Variants in RNF138 observed in about 807,000 individuals in gnomAD.
RNF138 encodes E3 ubiquitin-protein ligase RNF138.
In RNF138, 12 loss-of-function variants were observed where a neutral mutation model predicts 31.0. That is an observed-to-expected ratio of 0.39 (90% confidence interval 0.25 to 0.63). The LOEUF is 0.63. Among genes scored for constraint, RNF138 ranks in the 20% least tolerant of loss-of-function variants. The pLI, the probability that RNF138 is intolerant of heterozygous loss-of-function variation, is 0.52. For synonymous variants in RNF138, 105 were observed against 99.5 expected, an observed-to-expected ratio of 1.06 and a Z score of -0.33; for missense variants, 192 against 300.1, an observed-to-expected ratio of 0.64 and a Z score of 2.66.
At chr18:32,103,959 C>T (rs953176080) in intron 2 of RNF138, among the ~76,000 whole-genome samples, 2 of 150,246 alleles carry the variant, frequency 1.3e-5, no homozygotes, top group Admixed American at 6.6e-5. Context: ...AGCAAGACTC[C>T]GTCTCAGAAA....
At position 32,131,533 on chromosome 18, in the gene RNF138, A is replaced by C. The variant is rs1380262008; in HGVS notation, c.*2346A>C. The C allele has an allele frequency of 1.3e-5, 2 of 152,134 alleles. No individual in the cohort carries two copies. The highest frequency in any genetic ancestry group is 2.9e-5 in the Non-Finnish European group (2 of 67,988). 9.4% of individuals were successfully genotyped at this position (152,134 alleles called of 1,614,324 possible). A position where few individuals can be genotyped will look rare whatever the true frequency, so the allele number is the denominator to read the frequency against. On this transcript the variant is annotated 3_prime_UTR_variant, in exon 8 of 8. Coordinates refer to ENST00000261593, the MANE Select transcript of RNF138 (RefSeq NM_016271.5). ...AGTCTTATTTGAGATGTATTGCTTT[A>C]TTTTTCAATTAAAAGTGGTTTTCTC...
chr18:32,116,080 C>T (rs575183591), intron 4 of RNF138, among the ~76,000 whole-genome samples: 1 of 152,246 alleles, frequency 6.6e-6, no homozygotes, highest in East Asian at 1.9e-4. Flanking sequence ...GATAGGTCCT[C>T]ATTGAGTTGA....
chr18:32,119,531 C>G (rs1217195008), intron 4 of RNF138, among the ~76,000 whole-genome samples: 3 of 152,196 alleles, frequency 2.0e-5, no homozygotes, highest in Non-Finnish European at 4.4e-5. Flanking sequence ...TCAAGTGATT[C>G]TTCTGCCTCA....
intron 2 of RNF138, among the ~76,000 whole-genome samples, chr18:32,103,943 C>A (rs1220134866): frequency 6.7e-6 from 1 of 149,402 alleles, no homozygotes; most frequent in African/African-American, 2.5e-5. Flanking sequence ...CCAGCCTGGG[C>A]GACAGAGCAA....
At chr18:32,111,501 C>A (rs1343667484) in intron 2 of RNF138, among the ~76,000 whole-genome samples, 1 of 151,924 alleles carries the variant, frequency 6.6e-6, no homozygotes, top group African/African-American at 2.4e-5. Context: ...AATATTTATT[C>A]ATCATATATT....
intron 2 of RNF138, among the ~76,000 whole-genome samples, chr18:32,107,021 A>G (rs1289227197): frequency 6.6e-6 from 1 of 151,560 alleles, no homozygotes; most frequent in Non-Finnish European, 1.5e-5. Flanking sequence ...TTCTTTGAAA[A>G]TAATTTTCTC....
chr18:32,107,069 G>T (rs565812417), intron 2 of RNF138, among the ~76,000 whole-genome samples: 107 of 150,434 alleles, frequency 7.1e-4, no homozygotes, highest in African/African-American at 2.4e-3. Context: ...CTGGATTAGG[G>T]CTCTTGTGTG....
intron 4 of RNF138, among the ~76,000 whole-genome samples, chr18:32,121,974 TTCTCA>T (rs1203925433): frequency 6.6e-6 from 1 of 152,134 alleles, no homozygotes; most frequent in Admixed American, 6.5e-5. Flanking sequence ...TTTCAAGCGA[TTCTCA>T]TGCCTCAGCC....
intron 2 of RNF138, among the ~76,000 whole-genome samples, chr18:32,098,869 A>AT (rs1568224915): frequency 6.6e-6 from 1 of 151,394 alleles, no homozygotes; most frequent in Non-Finnish European, 1.5e-5. Context: ...AAAAAAAAAA[A>AT]GATTTACTTA....
Position 32,129,175 on chromosome 18 carries a change from A to T in RNF138, c.726A>T (p.Gln242His). 6.2e-7 allele frequency: 1 copy of T among 1,611,596 alleles called. No individual in the cohort carries two copies. Among genetic ancestry groups the T allele is most frequent in the Non-Finnish European group, 8.5e-7 (1 of 1,178,218 alleles). ...AAACTGCTGTTGAAGAATCTTTTCA[A>T]GTAAACATCTGAAGGCTGTAGACAT... is the stretch of plus-strand genomic sequence containing the variant. ...QYQTAVEESF[Q>H]VNI Residue 242 changes from glutamine to histidine, a missense_variant, in exon 8 of 8, where the codon CAA (glutamine) becomes CAT (histidine). By Grantham distance (24) the Gln-to-His change is conservative. This residue lies in a region of RNF138 where 140 missense variants were observed against 251.7 expected (regional missense o/e 0.56). Coordinates refer to ENST00000261593, the MANE Select transcript of RNF138 (RefSeq NM_016271.5).
At chr18:32,104,647 TAGA>T (rs1260142124) in intron 2 of RNF138, among the ~76,000 whole-genome samples, 31 of 152,270 alleles carry the variant, frequency 2.0e-4, no homozygotes, top group South Asian at 1.0e-3. Flanking sequence ...AAAAAATTAA[TAGA>T]AGAAAAACGT....
intron 2 of RNF138, among the ~76,000 whole-genome samples, chr18:32,103,747 A>ACGT (rs920432026): frequency 1.9e-4 from 29 of 152,008 alleles, no homozygotes; most frequent in African/African-American, 5.3e-4. Context: ...GTGGATCACG[A>ACGT]GGTCAGGAGA....
In RNF138 at chr18:32,112,025, AG is replaced by A. The variant is rs537148984; in HGVS notation, c.276+108del. ...TTTTTTTTTTTTTTGAAAAGATGAA[AG>A]GTATTTAGACTGGGAATTGGATAGA... On this transcript the variant is annotated intron_variant, in intron 3 of 7. Transcript: ENST00000261593. 2.4e-3 allele frequency: 2,482 copies of A among 1,019,936 alleles called. 31 individuals carry two copies. Among genetic ancestry groups the A allele is most frequent in the Middle Eastern group, 0.022 (78 of 3,526 alleles). The allele number at this position is 1,019,936 out of a possible 1,614,324, so 63.2% of individuals were successfully genotyped here.
chr18:32,092,542 G>A, intron 1 of RNF138, 158 bp from the exon 2 acceptor site: 1 of 518,970 alleles, frequency 1.9e-6, no homozygotes, highest in Non-Finnish European at 3.4e-6. Flanking sequence ...CCCCCATCCA[G>A]CCCCCTGTGG....
chr18:32,104,557 A>T (rs28375522), intron 2 of RNF138, among the ~76,000 whole-genome samples: 3,070 of 151,984 alleles, frequency 0.02, 98 homozygotes, highest in African/African-American at 0.07. Context: ...AAAACAAGAG[A>T]AACAATAAGA....
intron 5 of RNF138, 140 bp downstream of exon 5, chr18:32,123,714 G>A (rs1194916640): frequency 2.0e-6 from 1 of 501,080 alleles, no homozygotes; most frequent in Non-Finnish European, 3.4e-6. Flanking sequence ...GTGCAGTGGT[G>A]CGATCTTGGC....
chr18:32,100,539 G>A (rs1291606466), intron 2 of RNF138, among the ~76,000 whole-genome samples: 6 of 144,486 alleles, frequency 4.2e-5, no homozygotes, highest in Non-Finnish European at 4.5e-5. Flanking sequence ...GCAATGGCGC[G>A]ATCTCGGCTC....
At chr18:32,108,825 TGCCC>T (rs1187856197) in intron 2 of RNF138, among the ~76,000 whole-genome samples, 12 of 152,104 alleles carry the variant, frequency 7.9e-5, no homozygotes, top group Non-Finnish European at 1.3e-4. Flanking sequence ...TGCACCACCG[TGCCC>T]AGCTAATTTT....
chr18:32,109,017 C>T (rs1239470116), intron 2 of RNF138, among the ~76,000 whole-genome samples: 1 of 152,084 alleles, frequency 6.6e-6, no homozygotes, highest in East Asian at 1.9e-4. Flanking sequence ...AATTTATGCG[C>T]TCTAATGGAT....
Sources: allele counts gnomAD v4.1 joint callset (sites outside exome capture counted in the v4.1 genomes callset), GRCh38; gene constraint gnomAD v4.1.1; regional missense constraint gnomAD v4.1.1; transcripts MANE v1.5; gene names NCBI Gene and HGNC (gene_info 2026-07-23, HGNC 2026-07-21).